Variants in CCSER1 observed in about 807,000 individuals in gnomAD.
CCSER1 encodes coiled-coil serine rich protein 1.
In CCSER1, 41 loss-of-function variants were observed where a neutral mutation model predicts 82.0. The ratio of observed to expected loss-of-function variants is 0.50; its 90% confidence interval spans 0.39 to 0.65. The LOEUF is 0.65. Ranked by LOEUF, CCSER1 falls within the 30% of genes least tolerant of loss-of-function variation. CCSER1 has a pLI of 0.00. For synonymous variants in CCSER1, 414 were observed against 383.9 expected (o/e 1.08, Z -0.92); for missense variants, 1,119 against 1,064.2 (o/e 1.05, Z -0.72).
chr4:91,034,618 T>C (rs1200877522), intron 9 of CCSER1, among the ~76,000 whole-genome samples: 3 of 152,160 alleles, frequency 2.0e-5, no homozygotes. Flanking sequence ...GCCTTGGCCA[T>C]GGAATATCAG....
intron 10 of CCSER1, among the ~76,000 whole-genome samples, chr4:91,549,178 T>G (rs1762040399): frequency 6.6e-6 from 1 of 152,168 alleles, no homozygotes; most frequent in Non-Finnish European, 1.5e-5. Flanking sequence ...TTCTTTATGT[T>G]ATACTGTTTT....
intron 5 of CCSER1, among the ~76,000 whole-genome samples, chr4:90,502,653 AC>A (rs1770083656): frequency 6.6e-6 from 1 of 152,266 alleles, no homozygotes; most frequent in Admixed American, 6.5e-5. Context: ...TGGGAAAAAC[AC>A]CACTTTTTCT....
chr4:91,532,612 C>T (rs751804643), intron 10 of CCSER1, among the ~76,000 whole-genome samples: 1 of 152,116 alleles, frequency 6.6e-6, no homozygotes, highest in Non-Finnish European at 1.5e-5. Flanking sequence ...CACTTTCCTA[C>T]TGGGCGTGGT....
At chr4:91,358,658 G>A (rs1168879260) in intron 10 of CCSER1, among the ~76,000 whole-genome samples, 1 of 152,134 alleles carries the variant, frequency 6.6e-6, no homozygotes, top group African/African-American at 2.4e-5. Flanking sequence ...CACTCAGATG[G>A]AGTGAGGCAA....
intron 1 of CCSER1, among the ~76,000 whole-genome samples, chr4:90,158,462 G>C (rs567663067): frequency 1.3e-4 from 20 of 152,272 alleles, no homozygotes; most frequent in African/African-American, 4.1e-4. Flanking sequence ...TTTTGTTTTT[G>C]TGTGCCCTGC....
At chr4:91,261,894 G>T (rs1008482782) in intron 10 of CCSER1, among the ~76,000 whole-genome samples, 1 of 151,936 alleles carries the variant, frequency 6.6e-6, no homozygotes, top group Admixed American at 6.6e-5. Flanking sequence ...CAAAATATAT[G>T]CTTAATCTTC....
intron 1 of CCSER1, among the ~76,000 whole-genome samples, chr4:90,220,944 G>A (rs1028868945): frequency 6.6e-6 from 1 of 152,020 alleles, no homozygotes; most frequent in African/African-American, 2.4e-5. Flanking sequence ...TGCTAATTTA[G>A]TTATGTGGTA....
chr4:90,139,621 C>T (rs1724363124), intron 1 of CCSER1, among the ~76,000 whole-genome samples: 1 of 151,986 alleles, frequency 6.6e-6, no homozygotes, highest in African/African-American at 2.4e-5. Flanking sequence ...TTGTGTCACT[C>T]AGAGAAATAA....
At chr4:90,970,118 A>T (rs1734955916) in intron 9 of CCSER1, among the ~76,000 whole-genome samples, 1 of 151,972 alleles carries the variant, frequency 6.6e-6, no homozygotes, top group East Asian at 1.9e-4. Flanking sequence ...TAATTATTGA[A>T]AATATAAATG....
intron 8 of CCSER1, among the ~76,000 whole-genome samples, chr4:90,822,046 T>A (rs1229357887): frequency 1.3e-5 from 2 of 152,164 alleles, no homozygotes; most frequent in East Asian, 3.8e-4. Flanking sequence ...CATCAGAAAT[T>A]GAAGAAAGTA....
intron 6 of CCSER1, among the ~76,000 whole-genome samples, chr4:90,650,123 A>G (rs899477594): frequency 8.5e-5 from 13 of 152,142 alleles, no homozygotes; most frequent in African/African-American, 3.1e-4. Flanking sequence ...AGGCTGAGGC[A>G]GGAGAGTTGC....
intron 7 of CCSER1, among the ~76,000 whole-genome samples, chr4:90,806,581 A>G (rs1415065388): frequency 6.6e-6 from 1 of 152,200 alleles, no homozygotes; most frequent in African/African-American, 2.4e-5. Context: ...GAGTGTGGCT[A>G]GCCCACTACA....
At chr4:90,427,519 G>T (rs1757690141) in intron 4 of CCSER1, among the ~76,000 whole-genome samples, 1 of 151,330 alleles carries the variant, frequency 6.6e-6, no homozygotes, top group African/African-American at 2.4e-5. Context: ...TATACTACAA[G>T]GCCCTTCTAT....
chr4:91,415,813 T>G (rs1187558725), intron 10 of CCSER1, among the ~76,000 whole-genome samples: 1 of 152,158 alleles, frequency 6.6e-6, no homozygotes, highest in Non-Finnish European at 1.5e-5. Flanking sequence ...CGTTTGCCAG[T>G]ATTTTAATAG....
chr4:91,126,385 T>C (rs1373566622), intron 10 of CCSER1, among the ~76,000 whole-genome samples: 1 of 151,938 alleles, frequency 6.6e-6, no homozygotes, highest in African/African-American at 2.4e-5. Context: ...GTCTCTCCAT[T>C]TGTCTATGTA....
chr4:91,128,362 T>A (rs1727693639), intron 10 of CCSER1, among the ~76,000 whole-genome samples: 1 of 152,052 alleles, frequency 6.6e-6, no homozygotes, highest in South Asian at 2.1e-4. Flanking sequence ...GGAAATAATT[T>A]GCACAGTTTT....
intron 3 of CCSER1, among the ~76,000 whole-genome samples, chr4:90,356,217 G>C (rs1472112811): frequency 6.6e-6 from 1 of 151,670 alleles, no homozygotes; most frequent in African/African-American, 2.4e-5. Flanking sequence ...TGTCTGTGTA[G>C]CTATACTGTT....
chr4:90,975,425 G>A (rs1581243256), intron 9 of CCSER1, among the ~76,000 whole-genome samples: 2 of 151,196 alleles, frequency 1.3e-5, no homozygotes, highest in East Asian at 3.9e-4. Context: ...ACTTCATATT[G>A]TGCACCTTAA....
chr4:91,518,013 C>T (rs923604968), intron 10 of CCSER1, among the ~76,000 whole-genome samples: 1 of 152,094 alleles, frequency 6.6e-6, no homozygotes, highest in Non-Finnish European at 1.5e-5. Flanking sequence ...CATGTAGCTC[C>T]TCTGTATTTC....
Sources: gnomAD v4.1 joint callset for allele counts (sites outside exome capture counted in the v4.1 genomes callset) on GRCh38, gnomAD v4.1.1 for gene constraint, MANE v1.5 for transcripts, NCBI Gene and HGNC (gene_info 2026-07-23, HGNC 2026-07-21) for gene names.